The following COMMD6 variants were observed in gnomAD, a reference collection of about 807,000 sequenced individuals.
The protein encoded by COMMD6 is COMM domain containing 6.
COMMD6 carries 11 observed loss-of-function variants against 13.4 expected under a neutral mutation model. The observed-to-expected ratio is 0.82, with a 90% CI of 0.52 to 1.36. The LOEUF (loss-of-function observed/expected upper bound fraction) is 1.36, where lower values mean the gene tolerates loss of function less well. Ranked by LOEUF, COMMD6 falls within the 40% of genes most tolerant of loss-of-function variation. The probability of loss-of-function intolerance (pLI) is 0.00; values close to 1 mark genes in which losing one functional copy is unlikely to be tolerated. For missense variants in COMMD6, 124 were observed against 102.4 expected (o/e 1.21, Z -0.91); for synonymous variants, 43 against 36.5 (o/e 1.18, Z -0.64).
upstream of COMMD6, among the ~76,000 whole-genome samples, chr13:75,539,048 C>A (rs1214145312): frequency 2.0e-5 from 3 of 152,112 alleles, no homozygotes; most frequent in African/African-American, 7.2e-5. Flanking sequence ...CCTCCACCTT[C>A]AAAGCCAGGA....
At chr13:75,532,001 T>C (rs1343630563) in intron 2 of COMMD6, among the ~76,000 whole-genome samples, 1 of 152,284 alleles carries the variant, frequency 6.6e-6, no homozygotes, top group East Asian at 1.9e-4. Flanking sequence ...GCAATGAAAA[T>C]GAACTTCAAT....
chr13:75,545,746 CA>C, intron 1 of COMMD6, among the ~76,000 whole-genome samples: 1 of 152,222 alleles, frequency 6.6e-6, no homozygotes, highest in African/African-American at 2.4e-5. Context: ...GTTGGGATTA[CA>C]GGTGTCAGCC....
chr13:75,537,579 A>G (rs2030717972), intron 2 of COMMD6, 85 bp downstream of exon 2: 7 of 1,600,780 alleles, frequency 4.4e-6, no homozygotes, highest in Middle Eastern at 2.0e-4. Flanking sequence ...ACTAGGGGAG[A>G]CCTGGGGAAG....
At chr13:75,537,515 G>C (rs1419862863) in intron 2 of COMMD6, 149 bp downstream of exon 2, 1 of 1,569,042 alleles carries the variant, frequency 6.4e-7, no homozygotes, top group African/African-American at 1.4e-5. Flanking sequence ...AGGTGCAAAA[G>C]AGAAGGAGCA....
At chr13:75,540,343 CCCA>C (rs1566201718), upstream of COMMD6, among the ~76,000 whole-genome samples, 32 of 111,370 alleles carry the variant, frequency 2.9e-4, 1 homozygote, top group Middle Eastern at 8.6e-3. Flanking sequence ...CACACACACA[CCCA>C]CACACACACA....
At chr13:75,533,570 GAAAAA>G (rs57092186) in intron 2 of COMMD6, among the ~76,000 whole-genome samples, 21 of 131,058 alleles carry the variant, frequency 1.6e-4, no homozygotes, top group African/African-American at 5.7e-4. Flanking sequence ...CCCCAAATCT[GAAAAA>G]AAAAAAAAAA....
At chr13:75,541,447 GACCACCAACA>G (rs2030822652), upstream of COMMD6, among the ~76,000 whole-genome samples, 2 of 151,950 alleles carry the variant, frequency 1.3e-5, no homozygotes, top group South Asian at 4.2e-4. Flanking sequence ...ATAGACATAT[GACCACCAACA>G]TCTCTGGGTT....
At chr13:75,543,654 T>G (rs35901810), upstream of COMMD6, among the ~76,000 whole-genome samples, 15,657 of 152,264 alleles carry the variant, frequency 0.1, 1,095 homozygotes, top group Non-Finnish European at 0.15. Context: ...CAAGTTGGCT[T>G]TTCTGAGCAT....
chr13:75,527,778 C>T (rs760481321), intron 3 of COMMD6: 1 of 1,433,002 alleles, frequency 7.0e-7, no homozygotes, highest in Non-Finnish European at 9.2e-7. Flanking sequence ...TGCGTGATCT[C>T]ACTTATATGT....
chr13:75,531,871 T>C (rs2030490131), intron 2 of COMMD6, among the ~76,000 whole-genome samples: 1 of 152,242 alleles, frequency 6.6e-6, no homozygotes. Flanking sequence ...AGAAAAACTT[T>C]TTGAATATGT....
chr13:75,530,868 C>T (rs1314000356), intron 2 of COMMD6, among the ~76,000 whole-genome samples: 2 of 152,170 alleles, frequency 1.3e-5, no homozygotes, highest in African/African-American at 4.8e-5. Context: ...TGTTTGACTC[C>T]AAAGATTACA....
rs1031085734 is a variant in COMMD6 at position 75,526,532 on chromosome 13, G to C, written c.*57C>G. On this transcript the variant is annotated 3_prime_UTR_variant, in exon 4 of 4. Transcript: ENST00000682242. ...TCCATCCTTATTTAGTTTTGTTGCC[G>C]AAAGTGAAGTCCATGACTTTAGAAT... 2 of 1,188,618 alleles carry C rather than the reference G, an allele frequency of 1.7e-6. No homozygotes were observed. Among genetic ancestry groups the C allele is most frequent in the Admixed American group, 4.6e-5 (2 of 43,450 alleles). 73.6% of individuals were successfully genotyped at this position (1,188,618 alleles called of 1,614,324 possible).
upstream of COMMD6, among the ~76,000 whole-genome samples, chr13:75,538,575 T>C (rs2030762420): frequency 6.6e-6 from 1 of 152,234 alleles, no homozygotes; most frequent in Non-Finnish European, 1.5e-5. Flanking sequence ...GGATGATACT[T>C]CACTCCTAAA....
chr13:75,543,514 G>A (rs893285048), upstream of COMMD6, among the ~76,000 whole-genome samples: 5 of 152,306 alleles, frequency 3.3e-5, no homozygotes, highest in African/African-American at 7.2e-5. Context: ...GCCACTAAAT[G>A]TATGGTAATT....
upstream of COMMD6, among the ~76,000 whole-genome samples, chr13:75,541,286 G>C (rs2030821041): frequency 1.3e-5 from 2 of 152,188 alleles, no homozygotes; most frequent in Admixed American, 1.3e-4. Flanking sequence ...TTGAAATGTA[G>C]TGGTAGCAGC....
upstream of COMMD6, among the ~76,000 whole-genome samples, chr13:75,539,747 C>T: frequency 6.6e-6 from 1 of 151,776 alleles, no homozygotes; most frequent in East Asian, 1.9e-4. Flanking sequence ...TAAAAATGTC[C>T]CTGGCATGTA....
At chr13:75,530,562 G>C (rs1191659929) in intron 2 of COMMD6, 1 of 214,624 alleles carries the variant, frequency 4.7e-6, no homozygotes, top group African/African-American at 2.3e-5. Context: ...AGATGTGGCA[G>C]TATTGGTTTC....
chr13:75,529,941 A>C, intron 3 of COMMD6, 173 bp downstream of exon 3: 3 of 553,566 alleles, frequency 5.4e-6, no homozygotes, highest in South Asian at 5.3e-5. Flanking sequence ...ATAATTTATC[A>C]AATTCCCAAA....
intron 1 of COMMD6, among the ~76,000 whole-genome samples, chr13:75,548,491 A>T (rs2030955300): frequency 6.6e-6 from 1 of 152,042 alleles, no homozygotes; most frequent in Non-Finnish European, 1.5e-5. Flanking sequence ...AGTAATATGC[A>T]CTCTTCCCCA....
Sources: allele counts gnomAD v4.1 joint callset (sites outside exome capture counted in the v4.1 genomes callset), GRCh38; gene constraint gnomAD v4.1.1; transcripts MANE v1.5; gene names NCBI Gene and HGNC (gene_info 2026-07-23, HGNC 2026-07-21).